Variants in RAB40B observed in about 807,000 individuals in gnomAD.
RAB40B encodes the protein RAB40B, member RAS oncogene family.
In RAB40B, 21 loss-of-function variants were observed where a neutral mutation model predicts 24.0. The observed-to-expected ratio is 0.88, with a 90% CI of 0.62 to 1.26. The LOEUF is 1.26. Ranked by LOEUF, RAB40B falls within the 50% of genes most tolerant of loss-of-function variation. RAB40B has a pLI of 0.00. For missense variants in RAB40B, 348 were observed against 390.5 expected, an observed-to-expected ratio of 0.89 and a Z score of 0.92; for synonymous variants, 167 against 169.8, an observed-to-expected ratio of 0.98 and a Z score of 0.13.
In RAB40B at chr17:82,684,866, A is replaced by G. The variant is rs559372298; in HGVS notation, c.142+13589T>C. Among the ~76,000 whole-genome samples, 14 of 152,144 alleles carry G rather than the reference A, an allele frequency of 9.2e-5. No homozygotes were observed. In the East Asian group the frequency reaches 2.7e-3, roughly 29 times the overall value. On this transcript the variant is annotated intron_variant, in intron 1 of 5. Transcript: ENST00000571995. ...CGGTGGCCCACGCCTGTAATCCTAG[A>G]ACTCTGGGAGGTCGAGGCGGGTGGA...
intron 1 of RAB40B, among the ~76,000 whole-genome samples, chr17:82,693,727 C>G (rs1303825336): frequency 6.6e-6 from 1 of 152,104 alleles, no homozygotes; most frequent in Non-Finnish European, 1.5e-5. Flanking sequence ...ATTAACACCC[C>G]ACAGCCTCAC....
At chr17:82,679,069 G>A (rs1183512889) in intron 1 of RAB40B, among the ~76,000 whole-genome samples, 1 of 150,550 alleles carries the variant, frequency 6.6e-6, no homozygotes, top group South Asian at 2.1e-4. Flanking sequence ...ATTTTTAGTA[G>A]AGACGGGGTT....
At chr17:82,658,346 T>G in intron 5 of RAB40B, 145 bp downstream of exon 5, 1 of 1,102,760 alleles carries the variant, frequency 9.1e-7, no homozygotes, top group South Asian at 1.5e-5. Context: ...GCTGTAGTCA[T>G]TACTTCTCTC....
intron 1 of RAB40B, among the ~76,000 whole-genome samples, chr17:82,677,450 G>A (rs974103129): frequency 4.6e-5 from 7 of 152,200 alleles, no homozygotes; most frequent in African/African-American, 1.7e-4. Context: ...CTGCTTCCAG[G>A]AGGTGGCCCA....
intron 1 of RAB40B, among the ~76,000 whole-genome samples, chr17:82,676,731 G>A (rs913450364): frequency 6.6e-6 from 1 of 151,818 alleles, no homozygotes; most frequent in Non-Finnish European, 1.5e-5. Context: ...GGATTCAAGC[G>A]ATTCTCCTGC....
rs555239163 is a variant in RAB40B, at chr17:82,657,538, G to A, written c.*325C>T. The A allele has an allele frequency of 2.9e-4, 120 of 418,470 alleles. 1 individual carries two copies. The highest frequency in any genetic ancestry group is 2.4e-3 in the South Asian group (115 of 48,430). The allele number at this position is 418,470 out of a possible 1,614,324, so 25.9% of individuals were successfully genotyped here. A position where few individuals can be genotyped will look rare whatever the true frequency, so the allele number is the denominator to read the frequency against. On this transcript the variant is annotated 3_prime_UTR_variant, in exon 6 of 6. Coordinates refer to ENST00000571995, the MANE Select transcript of RAB40B (RefSeq NM_006822.3). The stretch of plus-strand genomic sequence containing the variant: ...TTATACTAATCACTCCAATATCACC[G>A]TTCTTACAAAAGCAGTTATTTTAAG...
rs1438257624 is a variant in RAB40B at position 82,655,761 on chromosome 17, CCTT to C, written c.*2099_*2101del. The C allele has an allele frequency of 2.0e-5, 3 of 152,448 alleles. No individual in the cohort carries two copies. In the East Asian group the frequency reaches 5.8e-4, roughly 29 times the overall value. The allele number at this position is 152,448 out of a possible 1,614,324, so 9.4% of individuals were successfully genotyped here. On this transcript the variant is annotated 3_prime_UTR_variant, in exon 6 of 6. Transcript: ENST00000571995. ...CCAGACACTGTCCCCTCAGGGTTCACCTTCTGCCCACAGACCACACCCCTGCCT... is the reference window on the plus strand; with the variant it reads ...CCAGACACTGTCCCCTCAGGGTTCACCTGCCCACAGACCACACCCCTGCCT...
intron 3 of RAB40B, among the ~76,000 whole-genome samples, chr17:82,660,351 G>GCA (rs1273302838): frequency 6.8e-6 from 1 of 148,020 alleles, no homozygotes; most frequent in Non-Finnish European, 1.5e-5. Flanking sequence ...GCACGCACGT[G>GCA]TACACACACA....
chr17:82,662,602 C>T lies in RAB40B; in HGVS notation c.204-1555G>A, dbSNP rs1170770809. On this transcript the variant is annotated intron_variant, in intron 2 of 5. Coordinates refer to ENST00000571995, the MANE Select transcript of RAB40B (RefSeq NM_006822.3). ...GGACCACACTCTGGGGTCCACACTC[C>T]GGGGTCCACGGTGGGAGTGTGACCT... 2.0e-5 allele frequency: 20 copies of T among 985,116 alleles called. No individual in the cohort carries two copies. In the East Asian group the frequency reaches 5.7e-4, roughly 28 times the overall value. The allele number at this position is 985,116 out of a possible 1,614,324, so 61.0% of individuals were successfully genotyped here.
In RAB40B at chr17:82,659,664, G is replaced by A. The variant is rs773074955; in HGVS notation, c.265-7C>T. The A allele has an allele frequency of 6.2e-7, 1 of 1,613,742 alleles. No homozygotes were observed. Among genetic ancestry groups the A allele is most frequent in the Non-Finnish European group, 8.5e-7 (1 of 1,179,618 alleles). ...CATAGACCAGGATCACACCCTGGGGGAGAGGTCACAGGCTCAGCACGCAGA... is the reference window on the plus strand; with the variant it reads ...CATAGACCAGGATCACACCCTGGGGAAGAGGTCACAGGCTCAGCACGCAGA... On this transcript the variant is annotated splice_region_variant and splice_polypyrimidine_tract_variant and intron_variant, in intron 3 of 5. Coordinates refer to ENST00000571995, the MANE Select transcript of RAB40B (RefSeq NM_006822.3).
At chr17:82,686,982 G>C (rs1328489048) in intron 1 of RAB40B, among the ~76,000 whole-genome samples, 1 of 151,948 alleles carries the variant, frequency 6.6e-6, no homozygotes, top group Non-Finnish European at 1.5e-5. Flanking sequence ...GGGGAAGGAG[G>C]CTCAGAGCTC....
At chr17:82,696,940 G>A (rs2143568772) in intron 1 of RAB40B, 1 of 154,392 alleles carries the variant, frequency 6.5e-6, no homozygotes, top group African/African-American at 2.4e-5. Flanking sequence ...CATCCTACTG[G>A]ACACCACGGT....
intron 1 of RAB40B, among the ~76,000 whole-genome samples, chr17:82,681,020 C>CAAAAAA (rs201799464): frequency 1.2e-4 from 11 of 93,956 alleles, no homozygotes; most frequent in East Asian, 3.5e-4. Context: ...GACTCCATCT[C>CAAAAAA]AAAAAAAAAA....
At chr17:82,691,042 C>T (rs560050458) in intron 1 of RAB40B, among the ~76,000 whole-genome samples, 2 of 152,312 alleles carry the variant, frequency 1.3e-5, no homozygotes, top group Non-Finnish European at 2.9e-5. Flanking sequence ...CTTCTCCCAA[C>T]ATTAAACATT....
intron 1 of RAB40B, among the ~76,000 whole-genome samples, chr17:82,666,008 T>C (rs1054468333): frequency 2.1e-4 from 32 of 151,356 alleles, no homozygotes; most frequent in African/African-American, 7.1e-4. Context: ...AGCCTCTACC[T>C]CCTGGGCTCA....
At chr17:82,677,781 C>G (rs2046409702) in intron 1 of RAB40B, among the ~76,000 whole-genome samples, 2 of 152,206 alleles carry the variant, frequency 1.3e-5, no homozygotes, top group Admixed American at 6.6e-5. Flanking sequence ...GTGGGGCCCT[C>G]TGACCCCAGA....
In RAB40B at chr17:82,664,517, C is replaced by T. The variant is rs749420184; in HGVS notation, c.182G>A (p.Arg61Gln). The T allele has an allele frequency of 1.1e-5, 18 of 1,613,410 alleles. No homozygotes were observed. In the Admixed American group the frequency reaches 1.5e-4, roughly 13 times the overall value. The change falls in exon 2 of 6, where the codon CGG becomes CAG. Residue 61 changes from arginine to glutamine, a missense_variant. By Grantham distance (43) the Arg-to-Gln change is conservative. Coordinates refer to ENST00000571995, the MANE Select transcript of RAB40B (RefSeq NM_006822.3). ...TCACCAGAGCTGCAGCTTCACCCGCCGCCCGTCCAGCAGGATGGTGGTCGT... is the reference window on the plus strand; with the variant it reads ...TCACCAGAGCTGCAGCTTCACCCGCTGCCCGTCCAGCAGGATGGTGGTCGT... ...YKTTTILLDG[R>Q]RVKLQLWDTS...
In RAB40B at chr17:82,655,003, A is replaced by G. The variant is rs540234304; in HGVS notation, c.*2860T>C. ...TTTAATTTATATTTATGTTTTTTGT[A>G]TATTCACCACCCAAACACACAGTCT... is the stretch of plus-strand genomic sequence containing the variant. On this transcript the variant is annotated 3_prime_UTR_variant, in exon 6 of 6. Coordinates refer to ENST00000571995, the MANE Select transcript of RAB40B (RefSeq NM_006822.3). 2.6e-5 allele frequency: 4 copies of G among 152,242 alleles called. No homozygotes were observed. Among genetic ancestry groups the G allele is most frequent in the Admixed American group, 6.5e-5 (1 of 15,286 alleles). The allele number at this position is 152,242 out of a possible 1,614,324, so 9.4% of individuals were successfully genotyped here.
intron 1 of RAB40B, among the ~76,000 whole-genome samples, chr17:82,693,507 G>A (rs1306218864): frequency 6.6e-6 from 1 of 152,150 alleles, no homozygotes; most frequent in Non-Finnish European, 1.5e-5. Flanking sequence ...TCTACTACAG[G>A]GAAACCTGTG....
Sources: allele counts gnomAD v4.1 joint callset (sites outside exome capture counted in the v4.1 genomes callset), GRCh38; gene constraint gnomAD v4.1.1; transcripts MANE v1.5; gene names NCBI Gene and HGNC (gene_info 2026-07-23, HGNC 2026-07-21).